ZFAT: variants seen among roughly 807,000 people sequenced by gnomAD.
ZFAT encodes the protein zinc finger and AT-hook domain containing, also known as zinc finger protein ZFAT.
Under a neutral mutation model 117.7 loss-of-function variants are expected in ZFAT, and 64 were observed. That is an observed-to-expected ratio of 0.54 (90% CI 0.44 to 0.67). The LOEUF (loss-of-function observed/expected upper bound fraction) is 0.67. Ranked by LOEUF, ZFAT falls within the 30% of genes least tolerant of loss-of-function variation. The pLI is 0.00. For missense variants in ZFAT, 1,433 were observed against 1,584.5 expected, an observed-to-expected ratio of 0.90 and a Z score of 1.62; for synonymous variants, 679 against 615.0, an observed-to-expected ratio of 1.10 and a Z score of -1.54.
intron 1 of ZFAT, chr8:134,696,409 A>T: frequency 1.0e-6 from 1 of 985,596 alleles, no homozygotes; most frequent in South Asian, 4.7e-5. Flanking sequence ...TTCAGAGTGG[A>T]AACTCGCATC....
intron 3 of ZFAT, among the ~76,000 whole-genome samples, chr8:134,626,523 A>G (rs531025962): frequency 6.6e-6 from 1 of 152,386 alleles, no homozygotes; most frequent in Admixed American, 6.5e-5. Flanking sequence ...AGATGGTCAC[A>G]CAGAAGAAGA....
At chr8:134,654,019 A>G (rs1831441170) in intron 2 of ZFAT, among the ~76,000 whole-genome samples, 1 of 152,200 alleles carries the variant, frequency 6.6e-6, no homozygotes, top group African/African-American at 2.4e-5. Flanking sequence ...TTTCAGGGCC[A>G]GGCACGGGGG....
At position 134,704,189 on chromosome 8, in the gene ZFAT, G is replaced by A. The variant is rs527340796; in HGVS notation, c.19+8656C>T. On this transcript the variant is annotated intron_variant, in intron 1 of 15. Transcript: ENST00000377838. Reference sequence around the variant, plus strand: ...CCTGTGGGGCTCTCTCCCCGAGGAAGGGTCTTCCCAAGATGCTTCCAGGAA... The same window carrying A: ...CCTGTGGGGCTCTCTCCCCGAGGAAAGGTCTTCCCAAGATGCTTCCAGGAA... 1.4e-4 allele frequency among the ~76,000 whole-genome samples: 22 copies of A among 152,276 alleles called. No homozygotes were observed. In the East Asian group the frequency reaches 4.2e-3, roughly 29 times the overall value.
At chr8:134,649,160 ATC>A (rs58676544) in intron 2 of ZFAT, among the ~76,000 whole-genome samples, 1,599 of 100,402 alleles carry the variant, frequency 0.016, 14 homozygotes, top group Middle Eastern at 0.032. Flanking sequence ...AAGAACATCT[ATC>A]TCTCACACAC....
At chr8:134,711,828 G>A (rs1200414230) in intron 1 of ZFAT, among the ~76,000 whole-genome samples, 1 of 152,058 alleles carries the variant, frequency 6.6e-6, no homozygotes, top group East Asian at 1.9e-4. Context: ...GCTGTTATTT[G>A]AACTAAAGTC....
the ZFAT span, among the ~76,000 whole-genome samples, chr8:134,775,015 G>C: frequency 6.6e-6 from 1 of 152,216 alleles, no homozygotes; most frequent in Non-Finnish European, 1.5e-5. Context: ...CTACTCGGGA[G>C]GCTGAGACAG....
the ZFAT span, among the ~76,000 whole-genome samples, chr8:134,758,047 T>A: frequency 6.6e-6 from 1 of 152,196 alleles, no homozygotes; most frequent in Non-Finnish European, 1.5e-5. Context: ...CTAGCAGACT[T>A]GAGATTCCAC....
intron 1 of ZFAT, among the ~76,000 whole-genome samples, chr8:134,705,367 G>GT (rs34419061): frequency 0.45 from 53,010 of 117,050 alleles, 10,274 homozygotes; most frequent in South Asian, 0.51. Flanking sequence ...TGCCCAGCTG[G>GT]TTTTTTTTTG....
intron 2 of ZFAT, among the ~76,000 whole-genome samples, chr8:134,643,355 C>A (rs1463087885): frequency 3.3e-5 from 5 of 152,304 alleles, no homozygotes; most frequent in African/African-American, 1.2e-4. Context: ...ACTTTGACCT[C>A]TTCACTAAGT....
chr8:134,531,075 T>C (rs1016547690), intron 12 of ZFAT, among the ~76,000 whole-genome samples: 8 of 152,124 alleles, frequency 5.3e-5, no homozygotes, highest in Non-Finnish European at 4.4e-5. Flanking sequence ...CCTGCAAAGA[T>C]AAAATATAAA....
chr8:134,657,117 G>A (rs1381116375), intron 2 of ZFAT, among the ~76,000 whole-genome samples: 1 of 152,134 alleles, frequency 6.6e-6, no homozygotes, highest in Non-Finnish European at 1.5e-5. Context: ...CATGTTCTGT[G>A]TGCCAGGCAT....
At chr8:134,663,982 G>A (rs1012754006) in intron 1 of ZFAT, among the ~76,000 whole-genome samples, 14 of 152,262 alleles carry the variant, frequency 9.2e-5, no homozygotes, top group Non-Finnish European at 1.8e-4. Context: ...CATGAAGACC[G>A]TGAGCAGAGG....
chr8:134,513,258 C>T (rs952516141), intron 13 of ZFAT, among the ~76,000 whole-genome samples: 25 of 148,026 alleles, frequency 1.7e-4, no homozygotes, highest in Non-Finnish European at 3.7e-4. Flanking sequence ...AGCGCGGTGG[C>T]GCGATCTCAG....
At chr8:134,637,886 T>A (rs540944018) in intron 2 of ZFAT, among the ~76,000 whole-genome samples, 174 bp from the exon 3 acceptor site, 2 of 152,212 alleles carry the variant, frequency 1.3e-5, no homozygotes, top group East Asian at 3.8e-4. Flanking sequence ...GCTAATATCA[T>A]TGCATCTGTG....
Position 134,588,375 on chromosome 8 carries a change from A to G in ZFAT, c.2584T>C (p.Ser862Pro). The G allele has an allele frequency of 6.3e-7, 1 of 1,591,814 alleles. No individual in the cohort carries two copies. Among genetic ancestry groups the G allele is most frequent in the Non-Finnish European group, 8.6e-7 (1 of 1,168,796 alleles). ...TGAACCCTCCTCCCGAGAACCTCAG[A>G]AATGGTGCTCATGGAGACCTCTAGA... ...NHPEVSMSTI[S>P]EVLGRRVQLK... is the part of the protein sequence containing the mutation. Residue 862 changes from serine (S) to proline (P), a missense_variant, in exon 9 of 16, where the codon TCT becomes CCT. Physicochemically the swap from Ser to Pro is moderately conservative, Grantham distance 74. Coordinates refer to ENST00000377838, the MANE Select transcript of ZFAT (RefSeq NM_020863.4).
intron 11 of ZFAT, among the ~76,000 whole-genome samples, chr8:134,551,171 G>A (rs1375991596): frequency 6.6e-6 from 1 of 152,220 alleles, no homozygotes; most frequent in East Asian, 1.9e-4. Context: ...ACTTGAAAAT[G>A]AGAAAGCGTG....
chr8:134,786,632 T>TGACCA, the ZFAT span, among the ~76,000 whole-genome samples: 3 of 152,194 alleles, frequency 2.0e-5, no homozygotes, highest in Non-Finnish European at 4.4e-5. Context: ...ACAATGAATG[T>TGACCA]ATTTTAATAA....
At chr8:134,491,539 C>T (rs140475984) in intron 15 of ZFAT, among the ~76,000 whole-genome samples, 16 of 152,346 alleles carry the variant, frequency 1.1e-4, no homozygotes, top group Admixed American at 6.5e-4. Flanking sequence ...AACATTTCAG[C>T]AGGGCTGTGA....
intron 7 of ZFAT, among the ~76,000 whole-genome samples, chr8:134,596,035 C>T (rs1180374620): frequency 6.6e-6 from 1 of 152,208 alleles, no homozygotes; most frequent in Admixed American, 6.5e-5. Flanking sequence ...CTGCTTCCAT[C>T]TCCAGGGTCA....
Sources: allele counts gnomAD v4.1 joint callset (sites outside exome capture counted in the v4.1 genomes callset), GRCh38; gene constraint gnomAD v4.1.1; transcripts MANE v1.5; gene names NCBI Gene and HGNC (gene_info 2026-07-23, HGNC 2026-07-21).